Variants in SLC23A2 observed in about 807,000 individuals in gnomAD.
SLC23A2 encodes Na(+)/L-ascorbic acid transporter 2.
A neutral mutation model predicts 73.3 loss-of-function variants in SLC23A2; 36 were observed. The observed-to-expected ratio is 0.49, with a 90% CI of 0.38 to 0.65. The LOEUF is 0.65. SLC23A2 is among the 30% of genes least tolerant of loss of function. SLC23A2 has a pLI of 0.00. For missense variants in SLC23A2, 507 were observed against 841.6 expected (o/e 0.60, Z 4.92); for synonymous variants, 343 against 327.3 (o/e 1.05, Z -0.52).
rs2086969919 is a variant in SLC23A2, at chr20:4,936,927, T to A, written c.-154-4211A>T. 2.0e-5 allele frequency among the ~76,000 whole-genome samples: 3 copies of A among 152,256 alleles called. No homozygotes were observed. In the South Asian group the frequency reaches 6.2e-4, roughly 32 times the overall value. On this transcript the variant is annotated intron_variant, in intron 2 of 16. Coordinates refer to ENST00000338244, the MANE Select transcript of SLC23A2 (RefSeq NM_005116.6). ...CTCATACAGCGCAGAGCAGTGATGT[T>A]CTGAGAAAGGCGTCAGGGAAGAGGA...
intron 13 of SLC23A2, among the ~76,000 whole-genome samples, chr20:4,866,800 C>A (rs1379106361): frequency 6.6e-6 from 1 of 152,170 alleles, no homozygotes; most frequent in Non-Finnish European, 1.5e-5. Context: ...CCACTCCTCC[C>A]TCCCAATTTG....
At chr20:4,889,480 A>G (rs1776956) in intron 6 of SLC23A2, among the ~76,000 whole-genome samples, 59,221 of 151,556 alleles carry the variant, frequency 0.39, 12,530 homozygotes, top group Non-Finnish European at 0.49. Flanking sequence ...GGTGACCTTA[A>G]CCCTGAAGCT....
chr20:4,881,672 T>A (rs1174042340), intron 9 of SLC23A2, among the ~76,000 whole-genome samples: 1 of 152,146 alleles, frequency 6.6e-6, no homozygotes, highest in Non-Finnish European at 1.5e-5. Flanking sequence ...ATTAATTCGT[T>A]CCCCCTGCTT....
intron 2 of SLC23A2, among the ~76,000 whole-genome samples, chr20:4,957,468 A>G (rs1216299328): frequency 1.3e-5 from 2 of 152,048 alleles, no homozygotes; most frequent in East Asian, 3.9e-4. Flanking sequence ...CTAAAAATTA[A>G]TTTTAAAAAT....
chr20:4,875,078 G>A (rs1252708340), intron 9 of SLC23A2, among the ~76,000 whole-genome samples: 3 of 152,290 alleles, frequency 2.0e-5, no homozygotes, highest in African/African-American at 7.2e-5. Context: ...TTATAACTAT[G>A]AATTAACTAC....
chr20:4,894,856 C>T (rs1359024048), intron 6 of SLC23A2, among the ~76,000 whole-genome samples: 2 of 152,138 alleles, frequency 1.3e-5, no homozygotes, highest in Admixed American at 1.3e-4. Flanking sequence ...TAGAATGAAA[C>T]AGGTTTCCAG....
intron 1 of SLC23A2, among the ~76,000 whole-genome samples, chr20:4,977,898 A>G (rs909307361): frequency 8.6e-5 from 13 of 152,046 alleles, no homozygotes; most frequent in African/African-American, 3.1e-4. Flanking sequence ...AAGTCACTAA[A>G]AACAGTTTTG....
At chr20:4,975,739 A>G (rs535276745) in intron 1 of SLC23A2, among the ~76,000 whole-genome samples, 1 of 148,438 alleles carries the variant, frequency 6.7e-6, no homozygotes, top group Admixed American at 6.7e-5. Flanking sequence ...TCTGGTTTTG[A>G]TCTTGATTTC....
At chr20:4,889,998 C>T (rs984710410) in intron 6 of SLC23A2, among the ~76,000 whole-genome samples, 7 of 152,102 alleles carry the variant, frequency 4.6e-5, no homozygotes, top group East Asian at 1.9e-4. Flanking sequence ...AGATGCCGGG[C>T]GGCTTGCAGT....
chr20:4,960,264 T>C (rs1485663485), intron 2 of SLC23A2, among the ~76,000 whole-genome samples: 1 of 152,230 alleles, frequency 6.6e-6, no homozygotes, highest in Non-Finnish European at 1.5e-5. Context: ...ATATGAAGTA[T>C]TGGCAAGACT....
intron 3 of SLC23A2, among the ~76,000 whole-genome samples, chr20:4,931,882 T>C (rs897743746): frequency 2.6e-5 from 4 of 152,236 alleles, no homozygotes; most frequent in Admixed American, 2.6e-4. Context: ...AAGAGCATTT[T>C]TCTGTTTTTA....
Position 4,857,989 on chromosome 20 carries a change from A to G in SLC23A2, c.1721-785T>C, listed in dbSNP as rs965416370. Reference sequence around the variant, plus strand: ...AAAACACACAAAACAAACTCTGTAAAATGTAAATCTGAGTCAAAAAAAAAC... The same window carrying G: ...AAAACACACAAAACAAACTCTGTAAGATGTAAATCTGAGTCAAAAAAAAAC... On this transcript the variant is annotated intron_variant, in intron 16 of 16. Coordinates refer to ENST00000338244, the MANE Select transcript of SLC23A2 (RefSeq NM_005116.6). The surrounding 1 kb of genome is among the most constrained non-coding windows in gnomAD (Gnocchi z 4.0). 6.6e-6 allele frequency among the ~76,000 whole-genome samples: 1 copy of G among 152,100 alleles called. No homozygotes were observed. The highest frequency in any genetic ancestry group is 1.5e-5 in the Non-Finnish European group (1 of 68,024).
intron 15 of SLC23A2, among the ~76,000 whole-genome samples, chr20:4,861,407 A>G (rs1675518480): frequency 6.6e-6 from 1 of 152,220 alleles, no homozygotes; most frequent in Non-Finnish European, 1.5e-5. Flanking sequence ...ACACTCCTCA[A>G]TTCTGCACTG....
intron 2 of SLC23A2, among the ~76,000 whole-genome samples, chr20:4,944,638 G>A (rs963221972): frequency 6.6e-6 from 1 of 152,206 alleles, no homozygotes; most frequent in Non-Finnish European, 1.5e-5. Flanking sequence ...AAAAGCTATT[G>A]TCTGCACTTC....
At chr20:4,988,479 T>G (rs534557373) in intron 1 of SLC23A2, among the ~76,000 whole-genome samples, 7 of 152,118 alleles carry the variant, frequency 4.6e-5, no homozygotes, top group African/African-American at 1.7e-4. Context: ...GGCTCACACC[T>G]GTAATCCCAG....
At chr20:4,937,803 T>A (rs1330215105) in intron 2 of SLC23A2, among the ~76,000 whole-genome samples, 2 of 152,156 alleles carry the variant, frequency 1.3e-5, no homozygotes, top group Non-Finnish European at 2.9e-5. Context: ...ACACACTGCC[T>A]CTGTGAGACT....
intron 1 of SLC23A2, among the ~76,000 whole-genome samples, chr20:4,972,707 T>A (rs1162374479): frequency 6.6e-6 from 1 of 152,118 alleles, no homozygotes; most frequent in Non-Finnish European, 1.5e-5. Context: ...TGCCTCAGCC[T>A]CCCGAGCAGC....
At chr20:4,898,932 G>C (rs1931645800) in intron 6 of SLC23A2, among the ~76,000 whole-genome samples, 1 of 152,220 alleles carries the variant, frequency 6.6e-6, no homozygotes, top group African/African-American at 2.4e-5. Flanking sequence ...AGGATGAGCT[G>C]TTGTGTGCCA....
In SLC23A2 at chr20:4,869,360, G is replaced by C. The variant is rs114401309; in HGVS notation, c.1250+546C>G. On this transcript the variant is annotated intron_variant, in intron 12 of 16. Coordinates refer to ENST00000338244, the MANE Select transcript of SLC23A2 (RefSeq NM_005116.6). ...AAAAAAAAACAAAAAAAACCTGTAA[G>C]CAGTGAAGAGCTTGTTTTGCTGGGA... Among the ~76,000 whole-genome samples the C allele has an allele frequency of 5.8e-3, 853 of 146,310 alleles. 9 individuals are homozygous for C. Among genetic ancestry groups the C allele is most frequent in the African/African-American group, 0.02 (799 of 39,420 alleles).
Sources: gnomAD v4.1 joint callset for allele counts (sites outside exome capture counted in the v4.1 genomes callset) on GRCh38, gnomAD v4.1.1 for gene constraint, Gnocchi (gnomAD v3.1) non-coding constraint, MANE v1.5 for transcripts, NCBI Gene and HGNC (gene_info 2026-07-23, HGNC 2026-07-21) for gene names.